Variants in GDAP1 observed in about 807,000 individuals in gnomAD.
The protein encoded by GDAP1 is ganglioside induced differentiation associated protein 1.
Under a neutral mutation model 40.1 loss-of-function variants are expected in GDAP1, and 34 were observed. That is an observed-to-expected ratio of 0.85 (90% CI 0.64 to 1.13). GDAP1 has a LOEUF of 1.13. Among genes scored for constraint, GDAP1 ranks in the 50% most tolerant of loss-of-function variants. The pLI is 0.00. For missense variants in GDAP1, 374 were observed against 433.7 expected, an observed-to-expected ratio of 0.86 and a Z score of 1.22; for synonymous variants, 170 against 157.4, an observed-to-expected ratio of 1.08 and a Z score of -0.60.
At chr8:74,469,481 A>T (rs1172066410) in intron 2 of GDAP1, among the ~76,000 whole-genome samples, 2 of 151,590 alleles carry the variant, frequency 1.3e-5, no homozygotes, top group Non-Finnish European at 2.9e-5. Context: ...ATCTTGGCTA[A>T]CACGATGAAA....
rs1049092665 is a variant in GDAP1, at chr8:74,462,346, G to A, written c.166-26332G>A. On this transcript the variant is annotated intron_variant, in intron 2 of 2. Transcript: ENST00000523640. ...GAGAGCTACCACAGAAGAGCTATTC[G>A]CATTAATTTAAGAGACTTGGGCCTG... 3.9e-5 allele frequency among the ~76,000 whole-genome samples: 6 copies of A among 152,124 alleles called. No homozygotes were observed. In the South Asian group the frequency reaches 6.2e-4, roughly 16 times the overall value.
At chr8:74,428,263 C>T (rs1436078694) in intron 2 of GDAP1, among the ~76,000 whole-genome samples, 1 of 151,972 alleles carries the variant, frequency 6.6e-6, no homozygotes, top group African/African-American at 2.4e-5. Flanking sequence ...ATAACAACAA[C>T]AACAACAAAA....
At chr8:74,469,284 A>G (rs562072446) in intron 2 of GDAP1, among the ~76,000 whole-genome samples, 127 of 152,308 alleles carry the variant, frequency 8.3e-4, no homozygotes, top group African/African-American at 2.8e-3. Flanking sequence ...TTTAATAAAA[A>G]TTAGGATTTT....
intron 2 of GDAP1, among the ~76,000 whole-genome samples, chr8:74,408,847 G>C (rs1376703839): frequency 6.7e-6 from 1 of 150,020 alleles, no homozygotes; most frequent in Non-Finnish European, 1.5e-5. Flanking sequence ...ATGTGGCAGT[G>C]AGTATTCCCC....
At chr8:74,469,492 C>T (rs940607769) in intron 2 of GDAP1, among the ~76,000 whole-genome samples, 4 of 151,210 alleles carry the variant, frequency 2.6e-5, no homozygotes, top group African/African-American at 9.7e-5. Context: ...CACGATGAAA[C>T]CCCGTCTCTA....
intron 2 of GDAP1, among the ~76,000 whole-genome samples, chr8:74,384,877 C>T (rs1213262009): frequency 6.6e-6 from 1 of 152,044 alleles, no homozygotes; most frequent in Non-Finnish European, 1.5e-5. Context: ...TAGCTGAAGT[C>T]GCAATACTGA....
chr8:74,456,941 A>G (rs1188012325), intron 2 of GDAP1, among the ~76,000 whole-genome samples: 2 of 152,028 alleles, frequency 1.3e-5, no homozygotes, highest in Non-Finnish European at 2.9e-5. Flanking sequence ...GAAAATAATT[A>G]TGGTTTCCTT....
chr8:74,425,092 C>A (rs921581110), intron 2 of GDAP1, among the ~76,000 whole-genome samples: 1 of 152,180 alleles, frequency 6.6e-6, no homozygotes, highest in Non-Finnish European at 1.5e-5. Context: ...GCACTACAGG[C>A]ACACACATTT....
At chr8:74,446,761 A>G (rs1806234412) in intron 2 of GDAP1, among the ~76,000 whole-genome samples, 1 of 152,218 alleles carries the variant, frequency 6.6e-6, no homozygotes, top group Admixed American at 6.5e-5. Flanking sequence ...ATGTTACAAC[A>G]AGATGAAATT....
intron 2 of GDAP1, among the ~76,000 whole-genome samples, chr8:74,435,074 A>C (rs1218975415): frequency 6.6e-6 from 1 of 152,224 alleles, no homozygotes; most frequent in Non-Finnish European, 1.5e-5. Flanking sequence ...TTCTACTAAC[A>C]TGAAAGTAAT....
At chr8:74,455,338 A>T (rs1216556191) in intron 2 of GDAP1, among the ~76,000 whole-genome samples, 1 of 151,956 alleles carries the variant, frequency 6.6e-6, no homozygotes, top group Non-Finnish European at 1.5e-5. Flanking sequence ...AATGTACATC[A>T]AAACTAAACC....
At chr8:74,470,199 T>G (rs1806532203) in intron 2 of GDAP1, among the ~76,000 whole-genome samples, 1 of 152,174 alleles carries the variant, frequency 6.6e-6, no homozygotes. Context: ...TTAAGTAAAG[T>G]GATTTATTAT....
intron 2 of GDAP1, among the ~76,000 whole-genome samples, chr8:74,409,718 C>T (rs1805684470): frequency 6.7e-6 from 1 of 150,050 alleles, no homozygotes; most frequent in African/African-American, 2.5e-5. Flanking sequence ...TTGAAACTTA[C>T]CAGGTTATTG....
chr8:74,451,428 C>T lies in GDAP1; in HGVS notation c.166-37250C>T, dbSNP rs185234996. On this transcript the variant is annotated intron_variant, in intron 2 of 2. Coordinates refer to the GDAP1 transcript ENST00000523640. ...TCGTGCCCTTGCACTCTAGCCTAGG[C>T]GACAGAGTGAGACCCTGTCTCAGAA... Among the ~76,000 whole-genome samples, 57 of 56,910 alleles carry T rather than the reference C, an allele frequency of 1.0e-3. 20 individuals carry two copies. In the East Asian group the frequency reaches 0.023, roughly 22 times the overall value. 37.3% of individuals were successfully genotyped at this position (56,910 alleles called of 152,430 possible). A position where few individuals can be genotyped will look rare whatever the true frequency, so the allele number is the denominator to read the frequency against.
chr8:74,439,711 T>C (rs1806137813), intron 2 of GDAP1, among the ~76,000 whole-genome samples: 1 of 152,032 alleles, frequency 6.6e-6, no homozygotes, highest in African/African-American at 2.4e-5. Flanking sequence ...TATGAAAAAT[T>C]CTACCCATTA....
Position 74,426,983 on chromosome 8 carries a change from A to G in GDAP1, c.166-61695A>G, listed in dbSNP as rs544277467. On this transcript the variant is annotated intron_variant, in intron 2 of 2. Transcript: ENST00000523640. ...TTATAACCATGGCCTCTTATAAATCACCCTTCTTTGCATCCGTACCTGTGT... is the reference window on the plus strand; with the variant it reads ...TTATAACCATGGCCTCTTATAAATCGCCCTTCTTTGCATCCGTACCTGTGT... Among the ~76,000 whole-genome samples, 346 of 152,068 alleles carry G rather than the reference A, an allele frequency of 2.3e-3. 2 individuals carry two copies. The highest frequency in any genetic ancestry group is 8.0e-3 in the African/African-American group (333 of 41,466).
At chr8:74,370,609 T>C (rs1248276470), downstream of GDAP1, among the ~76,000 whole-genome samples, 1 of 152,114 alleles carries the variant, frequency 6.6e-6, no homozygotes, top group Non-Finnish European at 1.5e-5. Flanking sequence ...ATGGAAAACA[T>C]AGCAAGGTGG....
At chr8:74,459,612 T>C (rs1315148385) in intron 2 of GDAP1, among the ~76,000 whole-genome samples, 1 of 152,190 alleles carries the variant, frequency 6.6e-6, no homozygotes, top group African/African-American at 2.4e-5. Context: ...TTAGGGACTT[T>C]AAGCAAAAGA....
At chr8:74,482,120 G>GT (rs1491263393) in intron 2 of GDAP1, among the ~76,000 whole-genome samples, 51 of 14,148 alleles carry the variant, frequency 3.6e-3, no homozygotes, top group Non-Finnish European at 5.3e-3. Context: ...GTTTTTTTTT[G>GT]GGGGGGGGGG....
Sources: allele counts gnomAD v4.1 joint callset (sites outside exome capture counted in the v4.1 genomes callset), GRCh38; gene constraint gnomAD v4.1.1; transcripts MANE v1.5; gene names NCBI Gene and HGNC (gene_info 2026-07-23, HGNC 2026-07-21).